Variants in DMD observed in about 807,000 individuals in gnomAD.
DMD encodes dystrophin, also known as mutant dystrophin.
A neutral mutation model predicts 330.1 loss-of-function variants in DMD; 63 were observed. The ratio of observed to expected loss-of-function variants is 0.19; its 90% CI spans 0.16 to 0.24. The LOEUF is 0.24. Among genes scored for constraint, DMD ranks in the 10% least tolerant of loss-of-function variants. The pLI is 1.00. For missense variants in DMD, 3,344 were observed against 2,684.1 expected (o/e 1.25, Z -5.43); for synonymous variants, 1,223 against 959.8 (o/e 1.27, Z -5.07).
chrX:32,097,358 T>C (rs1326984943), intron 44 of DMD, among the ~76,000 whole-genome samples: 1 of 111,232 alleles, frequency 9.0e-6, no homozygotes, highest in East Asian at 2.9e-4. Context: ...GTGTCTGTTT[T>C]TCCATTCCTG....
chrX:31,601,966 CCAAA>C (rs1358416123), intron 55 of DMD, among the ~76,000 whole-genome samples: 1 of 110,899 alleles, frequency 9.0e-6, no homozygotes, highest in Non-Finnish European at 1.9e-5. Context: ...GCAAATGGAC[CCAAA>C]CAGACTTATT....
At chrX:32,634,544 C>A (rs970312637) in intron 11 of DMD, among the ~76,000 whole-genome samples, 5 of 111,836 alleles carry the variant, frequency 4.5e-5, no homozygotes, top group African/African-American at 1.6e-4. Context: ...TCCCTTTGGT[C>A]AGCATGTCAT....
chrX:31,808,889 T>G (rs768576672), intron 50 of DMD, among the ~76,000 whole-genome samples: 1 of 111,115 alleles, frequency 9.0e-6, no homozygotes, highest in East Asian at 2.8e-4. Flanking sequence ...CACATAGTTA[T>G]GAAAAGTATG....
chrX:33,327,669 T>C (rs1052894243), intron 1 of DMD, among the ~76,000 whole-genome samples: 1 of 111,857 alleles, frequency 8.9e-6, no homozygotes, highest in Non-Finnish European at 1.9e-5. Context: ...CTAAGACCTA[T>C]GTATGGCAGA....
intron 44 of DMD, among the ~76,000 whole-genome samples, chrX:32,053,918 T>C (rs1053911333): frequency 1.4e-4 from 16 of 110,982 alleles, no homozygotes; most frequent in Non-Finnish European, 2.6e-4. Flanking sequence ...TAATTTTTTT[T>C]CTCTTTTTTA....
At chrX:32,336,074 T>G (rs2097713110) in intron 41 of DMD, among the ~76,000 whole-genome samples, 1 of 106,774 alleles carries the variant, frequency 9.4e-6, no homozygotes, top group African/African-American at 3.5e-5. Context: ...AACGTGTGTA[T>G]AACATGTTAT....
At chrX:31,614,892 C>G (rs1425313011) in intron 55 of DMD, among the ~76,000 whole-genome samples, 1 of 111,923 alleles carries the variant, frequency 8.9e-6, no homozygotes, top group Non-Finnish European at 1.9e-5. Flanking sequence ...TAATCTTTGA[C>G]TAATACCTGG....
chrX:31,552,719 A>G (rs2074561234), intron 55 of DMD, among the ~76,000 whole-genome samples: 1 of 111,575 alleles, frequency 9.0e-6, no homozygotes, highest in South Asian at 3.8e-4. Flanking sequence ...ACAAATTAAG[A>G]TTCCGGGCTT....
At chrX:32,365,832 T>C (rs975667924) in intron 34 of DMD, among the ~76,000 whole-genome samples, 2 of 112,049 alleles carry the variant, frequency 1.8e-5, no homozygotes, top group African/African-American at 3.2e-5. Context: ...TTCAATGTAG[T>C]GATGACGAGC....
intron 44 of DMD, among the ~76,000 whole-genome samples, chrX:32,213,500 G>A (rs918191188): frequency 8.9e-6 from 1 of 112,016 alleles, no homozygotes; most frequent in Non-Finnish European, 1.9e-5. Flanking sequence ...GTGTGCACAT[G>A]TTCATATGCA....
At chrX:32,351,339 G>A (rs954489118) in intron 37 of DMD, among the ~76,000 whole-genome samples, 17 of 110,641 alleles carry the variant, frequency 1.5e-4, no homozygotes, top group African/African-American at 5.6e-4. Flanking sequence ...GGGATTTGAT[G>A]AAATCATAAC....
At chrX:33,144,359 T>G (rs945326929) in intron 1 of DMD, among the ~76,000 whole-genome samples, 1 of 111,411 alleles carries the variant, frequency 9.0e-6, no homozygotes, top group Non-Finnish European at 1.9e-5. Flanking sequence ...TCTAGTGTTC[T>G]GTACCACAAT....
intron 9 of DMD, among the ~76,000 whole-genome samples, chrX:32,690,811 C>G (rs755938197): frequency 3.6e-5 from 4 of 110,616 alleles, no homozygotes; most frequent in Non-Finnish European, 5.7e-5. Context: ...GAAATTGGTG[C>G]TTATCTTATG....
intron 44 of DMD, among the ~76,000 whole-genome samples, chrX:31,988,475 A>G (rs34870746): frequency 2.7e-5 from 1 of 36,607 alleles, no homozygotes; most frequent in Non-Finnish European, 4.4e-5. Context: ...CTCCATCTCA[A>G]AAAAAAAAAA....
At chrX:31,380,236 A>G (rs1258684268) in intron 60 of DMD, among the ~76,000 whole-genome samples, 1 of 110,356 alleles carries the variant, frequency 9.1e-6, no homozygotes, top group Non-Finnish European at 1.9e-5. Context: ...CTTTTTAGTT[A>G]TCCCCACCTG....
chrX:31,843,847 T>G (rs5927882), intron 48 of DMD, among the ~76,000 whole-genome samples: 20 of 109,202 alleles, frequency 1.8e-4, no homozygotes, highest in South Asian at 3.8e-4. Flanking sequence ...GTTTGAGATT[T>G]TATTGTATTG....
intron 2 of DMD, among the ~76,000 whole-genome samples, chrX:32,863,537 TACACACACACACACACACACAC>T (rs199774174): frequency 1.2e-4 from 9 of 78,245 alleles, no homozygotes; most frequent in Middle Eastern, 0.013. Flanking sequence ...ATTGTGTTTA[TACACACACACACACACACACAC>T]ACACACACAC....
chrX:31,168,989 A>G (rs1280078821), intron 74 of DMD, among the ~76,000 whole-genome samples: 1 of 112,064 alleles, frequency 8.9e-6, no homozygotes, highest in Non-Finnish European at 1.9e-5. Context: ...TAATTTCTGC[A>G]TTTGATGATG....
chrX:33,276,215 T>G (rs1158701741), intron 1 of DMD, among the ~76,000 whole-genome samples: 1 of 111,615 alleles, frequency 9.0e-6, no homozygotes, highest in Non-Finnish European at 1.9e-5. Flanking sequence ...ATTTGAGGAG[T>G]TCATTAACAT....
Sources: allele counts gnomAD v4.1 joint callset (sites outside exome capture counted in the v4.1 genomes callset), GRCh38; gene constraint gnomAD v4.1.1; transcripts MANE v1.5; gene names NCBI Gene and HGNC (gene_info 2026-07-23, HGNC 2026-07-21).